Variants in JMJD1C observed in about 807,000 individuals in gnomAD.
JMJD1C encodes jumonji domain-containing protein 1C.
JMJD1C carries 31 observed loss-of-function variants against 245.3 expected under a neutral mutation model. The ratio of observed to expected loss-of-function variants is 0.13; its 90% CI spans 0.09 to 0.17. The LOEUF is 0.17. Ranked by LOEUF, JMJD1C falls within the 10% of genes least tolerant of loss-of-function variation. The pLI, the probability that JMJD1C is intolerant of heterozygous loss-of-function variation, is 1.00. For synonymous variants in JMJD1C, 1,057 were observed against 1,017.4 expected, an observed-to-expected ratio of 1.04 and a Z score of -0.74; for missense variants, 2,691 against 3,000.2, an observed-to-expected ratio of 0.90 and a Z score of 2.41.
chr10:63,255,454 C>T (rs929614103), intron 3 of JMJD1C, among the ~76,000 whole-genome samples: 6 of 151,936 alleles, frequency 3.9e-5, no homozygotes, highest in Non-Finnish European at 8.8e-5. Flanking sequence ...AGAATAAACC[C>T]GTCAAAAAAA....
At chr10:63,423,288 T>C (rs982451112) in intron 1 of JMJD1C, among the ~76,000 whole-genome samples, 3 of 152,114 alleles carry the variant, frequency 2.0e-5, no homozygotes, top group Non-Finnish European at 2.9e-5. Flanking sequence ...TCATCCCAAA[T>C]AGGAACTCTG....
intron 2 of JMJD1C, among the ~76,000 whole-genome samples, chr10:63,354,228 A>G (rs1944607777): frequency 6.6e-6 from 1 of 152,240 alleles, no homozygotes; most frequent in Admixed American, 6.5e-5. Flanking sequence ...CAAATTAAAA[A>G]GGTGATCATG....
chr10:63,495,179 C>T (rs1008024648), intron 1 of JMJD1C, among the ~76,000 whole-genome samples: 1 of 151,610 alleles, frequency 6.6e-6, no homozygotes, highest in African/African-American at 2.4e-5. Context: ...TCTCTACATA[C>T]CATTTCTCAC....
At chr10:63,377,900 T>C (rs1946883564) in intron 2 of JMJD1C, among the ~76,000 whole-genome samples, 1 of 98,218 alleles carries the variant, frequency 1.0e-5, no homozygotes, top group African/African-American at 3.7e-5. Context: ...CTTGTCTAAA[T>C]AAATAAAATA....
chr10:63,444,763 T>C (rs926585501), intron 1 of JMJD1C, among the ~76,000 whole-genome samples: 2 of 152,026 alleles, frequency 1.3e-5, no homozygotes, highest in African/African-American at 4.8e-5. Flanking sequence ...GAAGCTGGCA[T>C]TACAGGTGCC....
intron 3 of JMJD1C, among the ~76,000 whole-genome samples, chr10:63,234,493 T>TA (rs71025129): frequency 0.091 from 3,375 of 37,014 alleles, 312 homozygotes; most frequent in Non-Finnish European, 0.11. Flanking sequence ...AACCTCCTCT[T>TA]AAAAAAAAAA....
At chr10:63,259,847 TG>T (rs1452278870) in intron 3 of JMJD1C, among the ~76,000 whole-genome samples, 2 of 152,228 alleles carry the variant, frequency 1.3e-5, no homozygotes, top group Non-Finnish European at 2.9e-5. Flanking sequence ...TACTCTACAA[TG>T]ATAGAACTGT....
At chr10:63,508,520 C>G (rs1954786726) in intron 1 of JMJD1C, among the ~76,000 whole-genome samples, 1 of 152,148 alleles carries the variant, frequency 6.6e-6, no homozygotes, top group South Asian at 2.1e-4. Context: ...CACAAAGTAA[C>G]TTAGTGGGAT....
rs1422193136 is a variant in JMJD1C, at chr10:63,206,692, C to T, written c.4977G>A (p.Lys1659=). 1.9e-6 allele frequency: 3 copies of T among 1,613,600 alleles called. No individual in the cohort carries two copies. The highest frequency in any genetic ancestry group is 2.2e-5 in the East Asian group (1 of 44,840). The change falls in exon 10 of 26, where the codon AAG becomes AAA. Residue 1659 remains lysine (K), a synonymous_variant. Coordinates refer to ENST00000399262, the MANE Select transcript of JMJD1C (RefSeq NM_032776.3). ...AATCTTCTTCTATTTCACCTTTTCT[C>T]TTTTGCAAATCATTTTGCTTCTTTT... ...TYKKKQNDLQ[K]RKGEIEEDLK...
intron 2 of JMJD1C, among the ~76,000 whole-genome samples, chr10:63,308,206 G>A (rs1019572635): frequency 5.9e-5 from 9 of 151,850 alleles, no homozygotes; most frequent in African/African-American, 9.7e-5. Context: ...AATATCTAAC[G>A]AACTTCAGCC....
At chr10:63,452,247 C>G (rs1952117301) in intron 1 of JMJD1C, among the ~76,000 whole-genome samples, 1 of 152,050 alleles carries the variant, frequency 6.6e-6, no homozygotes, top group South Asian at 2.1e-4. Context: ...CAAAGCAAAA[C>G]AAAACAAAAC....
intron 23 of JMJD1C, 52 bp downstream of exon 23, chr10:63,177,661 CAATG>C: frequency 6.3e-7 from 1 of 1,577,446 alleles, no homozygotes; most frequent in Non-Finnish European, 8.7e-7. Flanking sequence ...GGTACGGCAA[CAATG>C]AATAAGTCCT....
chr10:63,206,110 C>T (rs1232408855), intron 10 of JMJD1C, among the ~76,000 whole-genome samples: 1 of 152,146 alleles, frequency 6.6e-6, no homozygotes, highest in Non-Finnish European at 1.5e-5. Flanking sequence ...GAACCAATCC[C>T]CCACAGGTAT....
intron 2 of JMJD1C, among the ~76,000 whole-genome samples, chr10:63,282,792 C>G (rs1480105577): frequency 6.6e-6 from 1 of 152,210 alleles, no homozygotes; most frequent in East Asian, 1.9e-4. Context: ...TCTCGGCTCA[C>G]TGCAACCGCC....
intron 25 of JMJD1C, 126 bp from the exon 26 acceptor site, chr10:63,168,260 G>C (rs1842027055): frequency 3.0e-6 from 3 of 992,190 alleles, no homozygotes; most frequent in Non-Finnish European, 4.5e-6. Flanking sequence ...ATGTTTGAAA[G>C]TGTTAAGCCA....
chr10:63,366,058 A>G (rs1589593808), intron 2 of JMJD1C, among the ~76,000 whole-genome samples: 2 of 152,258 alleles, frequency 1.3e-5, no homozygotes, highest in Non-Finnish European at 2.9e-5. Context: ...CATTATAATG[A>G]GCACATAGAC....
chr10:63,317,006 C>T (rs191640670), intron 2 of JMJD1C, among the ~76,000 whole-genome samples: 81 of 152,102 alleles, frequency 5.3e-4, no homozygotes, highest in African/African-American at 1.9e-3. Flanking sequence ...ATTACAGGCG[C>T]ATGCCACTAT....
chr10:63,394,977 G>A (rs1948375564), intron 1 of JMJD1C, among the ~76,000 whole-genome samples: 1 of 151,692 alleles, frequency 6.6e-6, no homozygotes, highest in South Asian at 2.1e-4. Flanking sequence ...TTTCACAAAA[G>A]ACTTGTATCA....
intron 24 of JMJD1C, 130 bp downstream of exon 24, chr10:63,176,167 A>C: frequency 9.6e-6 from 5 of 521,186 alleles, no homozygotes; most frequent in Non-Finnish European, 1.3e-5. Flanking sequence ...ATTCTAATAA[A>C]GGCAGACTGG....
Sources: gnomAD v4.1 joint callset for allele counts (sites outside exome capture counted in the v4.1 genomes callset) on GRCh38, gnomAD v4.1.1 for gene constraint, MANE v1.5 for transcripts, NCBI Gene and HGNC (gene_info 2026-07-23, HGNC 2026-07-21) for gene names.